Variants in FER observed in about 807,000 individuals in gnomAD.
FER encodes the protein tyrosine-protein kinase Fer.
FER carries 63 observed loss-of-function variants against 111.0 expected under a neutral mutation model. That is an observed-to-expected ratio of 0.57 (90% confidence interval 0.46 to 0.70). The LOEUF is 0.70. FER is among the 30% of genes least tolerant of loss of function. The pLI is 0.00. For missense variants in FER, 914 were observed against 954.0 expected, an observed-to-expected ratio of 0.96 and a Z score of 0.55; for synonymous variants, 327 against 313.9, an observed-to-expected ratio of 1.04 and a Z score of -0.44.
chr5:109,031,895 T>A (rs1159108751), intron 13 of FER, among the ~76,000 whole-genome samples: 1 of 152,132 alleles, frequency 6.6e-6, no homozygotes, highest in African/African-American at 2.4e-5. Context: ...TTGAACAGAG[T>A]GTAATCTAAG....
intron 16 of FER, among the ~76,000 whole-genome samples, chr5:109,058,422 A>T (rs1439166991): frequency 2.0e-5 from 3 of 152,072 alleles, no homozygotes; most frequent in Non-Finnish European, 1.5e-5. Flanking sequence ...CTTTGCTCCC[A>T]TATTTATTTG....
intron 3 of FER, among the ~76,000 whole-genome samples, chr5:108,831,636 A>C (rs1580768128): frequency 6.6e-6 from 1 of 152,334 alleles, no homozygotes; most frequent in Middle Eastern, 3.4e-3. Flanking sequence ...TTATTTTTTA[A>C]AAAACATACA....
intron 5 of FER, among the ~76,000 whole-genome samples, chr5:108,857,981 G>T (rs1048923531): frequency 6.6e-6 from 1 of 152,124 alleles, no homozygotes; most frequent in African/African-American, 2.4e-5. Flanking sequence ...TTTTAGTGGA[G>T]AATTATATTT....
rs147360201 is a variant in FER, at chr5:108,748,636, G to A, written c.-206+636G>A. The A allele has an allele frequency of 5.7e-3, 874 of 152,464 alleles. 6 individuals carry two copies. The highest frequency in any genetic ancestry group is 0.01 in the Admixed American group (160 of 15,310). The allele number at this position is 152,464 out of a possible 1,614,324, so 9.4% of individuals were successfully genotyped here. On this transcript the variant is annotated intron_variant, in intron 1 of 19. Transcript: ENST00000281092. ...ACCTCGGGACTCCACCCGGGCTGGT[G>A]AGCGAGCCCAGAAAGCGGCGACCGC...
At chr5:109,178,656 T>G (rs1284648885) in intron 17 of FER, among the ~76,000 whole-genome samples, 2 of 152,222 alleles carry the variant, frequency 1.3e-5, no homozygotes, top group Non-Finnish European at 2.9e-5. Context: ...CTCTGTTCTA[T>G]TCAATTGAGC....
intron 17 of FER, among the ~76,000 whole-genome samples, chr5:109,105,287 C>T (rs924917459): frequency 8.9e-5 from 12 of 135,548 alleles, no homozygotes; most frequent in Admixed American, 4.5e-4. Flanking sequence ...TGTTTTGAGA[C>T]TTCATATTTT....
intron 10 of FER, among the ~76,000 whole-genome samples, chr5:108,923,880 T>TA (rs1002563747): frequency 7.2e-5 from 11 of 151,732 alleles, no homozygotes; most frequent in Non-Finnish European, 2.9e-5. Context: ...CAATAAAAAA[T>TA]AAAAAAAATT....
chr5:109,001,251 T>G (rs376596836), intron 13 of FER, among the ~76,000 whole-genome samples: 1 of 152,174 alleles, frequency 6.6e-6, no homozygotes, highest in Non-Finnish European at 1.5e-5. Flanking sequence ...ACTGGCAAAC[T>G]GAATCCAGCA....
chr5:109,051,340 C>T (rs1196635902), intron 16 of FER: 1 of 1,607,228 alleles, frequency 6.2e-7, no homozygotes, highest in Non-Finnish European at 8.5e-7. Flanking sequence ...AGGCTGAGGC[C>T]TGCTGCTGGC....
At chr5:108,946,882 C>G (rs1757059041) in intron 11 of FER, among the ~76,000 whole-genome samples, 1 of 151,882 alleles carries the variant, frequency 6.6e-6, no homozygotes, top group African/African-American at 2.4e-5. Context: ...CTAACAAGTA[C>G]TAGTCTAATT....
chr5:109,017,150 G>C (rs1413202148), intron 13 of FER, among the ~76,000 whole-genome samples: 1 of 151,896 alleles, frequency 6.6e-6, no homozygotes, highest in Non-Finnish European at 1.5e-5. Flanking sequence ...AATATTACAG[G>C]CTTTTTACTG....
rs62376766 is a variant in FER at position 109,129,609 on chromosome 5, T to C, written c.2048+29090T>C. Among the ~76,000 whole-genome samples the C allele has an allele frequency of 8.7e-3, 1,328 of 152,144 alleles. 9 individuals carry two copies. The highest frequency in any genetic ancestry group is 0.015 in the South Asian group (72 of 4,828). ...AACTAAATTTTAATATTTCATGATA[T>C]AAAAAGCTCTTACAAAACAAAATAA... On this transcript the variant is annotated intron_variant, in intron 17 of 19. Coordinates refer to ENST00000281092, the MANE Select transcript of FER (RefSeq NM_005246.4).
intron 17 of FER, among the ~76,000 whole-genome samples, chr5:109,104,041 G>A (rs990204393): frequency 5.9e-5 from 9 of 152,070 alleles, no homozygotes; most frequent in Admixed American, 3.9e-4. Context: ...TCTTAATTTC[G>A]TATGTCATTG....
intron 17 of FER, among the ~76,000 whole-genome samples, chr5:109,104,844 G>A (rs546396305): frequency 4.6e-5 from 7 of 151,808 alleles, no homozygotes; most frequent in African/African-American, 7.3e-5. Flanking sequence ...CCAGGTTCAC[G>A]CCATTCTCCT....
rs543872758 is a variant in FER at position 108,949,678 on chromosome 5, TA to T, written c.1329+3457del. On this transcript the variant is annotated intron_variant, in intron 11 of 19. Coordinates refer to ENST00000281092, the MANE Select transcript of FER (RefSeq NM_005246.4). ...CAATCCCAACTTGATGATAAATGTT[TA>T]CATTTACTGAAATATGGTTGCGTAT... Among the ~76,000 whole-genome samples the T allele has an allele frequency of 1.6e-3, 248 of 152,258 alleles. 1 individual carries two copies. The highest frequency in any genetic ancestry group is 5.5e-3 in the Admixed American group (84 of 15,288).
Position 108,940,948 on chromosome 5 carries a change from C to A in FER, c.1237-5182C>A, listed in dbSNP as rs540793184. Reference sequence around the variant, plus strand: ...AATTCTGGGTCTTCACATTCTAGGGCAATGGCCCTTCAAAGACTAGGCTGG... The same window carrying A: ...AATTCTGGGTCTTCACATTCTAGGGAAATGGCCCTTCAAAGACTAGGCTGG... On this transcript the variant is annotated intron_variant, in intron 10 of 19. Coordinates refer to ENST00000281092, the MANE Select transcript of FER (RefSeq NM_005246.4). Among the ~76,000 whole-genome samples the A allele has an allele frequency of 1.5e-4, 23 of 152,194 alleles. No individual in the cohort carries two copies. The South Asian group carries it at 4.4e-3, about 29-fold the overall frequency.
intron 3 of FER, among the ~76,000 whole-genome samples, chr5:108,812,765 G>A (rs776790110): frequency 4.5e-4 from 69 of 151,938 alleles, no homozygotes; most frequent in Non-Finnish European, 4.9e-4. Context: ...AAGGTCTATA[G>A]TATACATCTA....
At chr5:108,908,881 G>C (rs1469065072) in intron 10 of FER, among the ~76,000 whole-genome samples, 1 of 152,028 alleles carries the variant, frequency 6.6e-6, no homozygotes, top group Non-Finnish European at 1.5e-5. Context: ...TCTACAAAAA[G>C]TAAAAAATTA....
intron 8 of FER, among the ~76,000 whole-genome samples, chr5:108,877,600 G>A (rs1452091239): frequency 6.6e-6 from 1 of 152,160 alleles, no homozygotes; most frequent in Non-Finnish European, 1.5e-5. Context: ...GCAAGAAATA[G>A]TTTATGTTTT....
Sources: allele counts gnomAD v4.1 joint callset (sites outside exome capture counted in the v4.1 genomes callset), GRCh38; gene constraint gnomAD v4.1.1; transcripts MANE v1.5; gene names NCBI Gene and HGNC (gene_info 2026-07-23, HGNC 2026-07-21).